LCOR: variants seen among roughly 807,000 people sequenced by gnomAD.
LCOR encodes the protein ligand-dependent corepressor.
A neutral mutation model predicts 64.4 loss-of-function variants in LCOR; 14 were observed. The ratio of observed to expected loss-of-function variants is 0.22; its 90% confidence interval spans 0.14 to 0.34. The LOEUF (loss-of-function observed/expected upper bound fraction) is 0.34. LCOR is among the 10% of genes least tolerant of loss of function. The pLI, the probability that LCOR is intolerant of heterozygous loss-of-function variation, is 1.00. For synonymous variants in LCOR, 643 were observed against 642.5 expected, an observed-to-expected ratio of 1.00 and a Z score of -0.01; for missense variants, 1,686 against 1,765.3, an observed-to-expected ratio of 0.96 and a Z score of 0.80.
intron 2 of LCOR, 93 bp downstream of exon 2, chr10:96,833,572 C>A: frequency 4.4e-6 from 2 of 459,010 alleles, no homozygotes; most frequent in Non-Finnish European, 5.7e-6. Context: ...AGCATTGTTA[C>A]TTCCCCGTCT....
At position 96,989,469 on chromosome 10, in the gene LCOR, C is replaced by G. The variant is rs1229185682; in HGVS notation, c.*4335C>G. The G allele has an allele frequency of 6.6e-6, 1 of 151,892 alleles. No homozygotes were observed. The highest frequency in any genetic ancestry group is 2.4e-5 in the African/African-American group (1 of 41,314). 9.4% of individuals were successfully genotyped at this position (151,892 alleles called of 1,614,324 possible). ...ACAAAGTCTGATCACAATCCCAAAGCTTTGTTTATTCTTATATAATATTTT... is the reference window on the plus strand; with the variant it reads ...ACAAAGTCTGATCACAATCCCAAAGGTTTGTTTATTCTTATATAATATTTT... On this transcript the variant is annotated 3_prime_UTR_variant, in exon 8 of 8. Transcript: ENST00000421806.
At chr10:96,832,575 G>A (rs1845357217) in intron 1 of LCOR, among the ~76,000 whole-genome samples, 176 bp downstream of exon 1, 1 of 145,364 alleles carries the variant, frequency 6.9e-6, no homozygotes, top group African/African-American at 2.5e-5. Context: ...CCTCCAGGCG[G>A]GCTCCCCTGC....
intron 7 of LCOR, chr10:96,958,225 C>T (rs573653320): frequency 6.1e-6 from 8 of 1,303,084 alleles, no homozygotes; most frequent in Non-Finnish European, 7.8e-6. Flanking sequence ...AGAAAGACAT[C>T]ACTAAAGGCC....
intron 3 of LCOR, 78 bp from the exon 4 acceptor site, chr10:96,907,590 A>T: frequency 1.7e-6 from 1 of 575,988 alleles, no homozygotes; most frequent in Non-Finnish European, 2.2e-6. Context: ...TTTGTTAAAC[A>T]ATATTTTTGA....
intron 4 of LCOR, among the ~76,000 whole-genome samples, chr10:96,935,693 G>A (rs560355007): frequency 4.0e-4 from 61 of 152,288 alleles, no homozygotes; most frequent in South Asian, 3.1e-3. Context: ...AATTAGCCTG[G>A]TGTGGTGGCA....
Position 96,981,078 on chromosome 10 carries a change from C to CGTA in LCOR, c.620_622dup (p.Val207dup), listed in dbSNP as rs1192063668. 2.8e-6 allele frequency: 2 copies of CGTA among 702,862 alleles called. No homozygotes were observed. Among genetic ancestry groups the CGTA allele is most frequent in the Non-Finnish European group, 5.2e-6 (2 of 385,040 alleles). The allele number at this position is 702,862 out of a possible 1,614,324, so 43.5% of individuals were successfully genotyped here. On this transcript the variant is annotated inframe_insertion, in exon 8 of 8. Coordinates refer to ENST00000421806, the MANE Select transcript of LCOR (RefSeq NM_001346516.2). ...AGTCTTCTGCTTCTGTAGATTTGTT[C>CGTA]GTAGACTCGTCAGACTCTCACAGCC...
intron 2 of LCOR, among the ~76,000 whole-genome samples, chr10:96,872,485 A>T (rs1846088436): frequency 6.6e-6 from 1 of 152,118 alleles, no homozygotes; most frequent in Non-Finnish European, 1.5e-5. Flanking sequence ...TTGAGATCAG[A>T]AGTTCGACAC....
intron 2 of LCOR, among the ~76,000 whole-genome samples, chr10:96,838,700 A>T (rs920642520): frequency 6.6e-6 from 1 of 152,222 alleles, no homozygotes; most frequent in Non-Finnish European, 1.5e-5. Context: ...TTGTGTGGAC[A>T]TACCACATTT....
In LCOR at chr10:96,985,445, A is replaced by G. The variant is rs1848141059; in HGVS notation, c.*311A>G. ...TTTTGTTTTTAAATTTACAAAAGCT[A>G]AAAAGCTGATCTATGTGATTAAAGG... On this transcript the variant is annotated 3_prime_UTR_variant, in exon 8 of 8. Coordinates refer to ENST00000421806, the MANE Select transcript of LCOR (RefSeq NM_001346516.2). The G allele has an allele frequency of 8.8e-6, 2 of 226,960 alleles. No individual in the cohort carries two copies. Among genetic ancestry groups the G allele is most frequent in the Non-Finnish European group, 1.9e-5 (2 of 107,838 alleles). The allele number at this position is 226,960 out of a possible 1,614,324, so 14.1% of individuals were successfully genotyped here.
chr10:96,841,653 G>A (rs1649717899), intron 2 of LCOR, among the ~76,000 whole-genome samples: 1 of 151,840 alleles, frequency 6.6e-6, no homozygotes, highest in African/African-American at 2.4e-5. Flanking sequence ...GAGCCACCGC[G>A]CCTGGCCAAG....
intron 2 of LCOR, among the ~76,000 whole-genome samples, chr10:96,881,296 A>G (rs939093942): frequency 2.0e-5 from 3 of 152,208 alleles, no homozygotes; most frequent in African/African-American, 7.2e-5. Flanking sequence ...GATTACACAA[A>G]GTAATGAATG....
intron 2 of LCOR, among the ~76,000 whole-genome samples, chr10:96,839,067 A>G (rs1307688428): frequency 6.6e-6 from 1 of 152,232 alleles, no homozygotes; most frequent in Admixed American, 6.5e-5. Flanking sequence ...AAATACAAAA[A>G]AATAAGACAA....
chr10:96,874,469 C>T (rs535377780), intron 2 of LCOR, among the ~76,000 whole-genome samples: 2 of 152,238 alleles, frequency 1.3e-5, no homozygotes, highest in African/African-American at 4.8e-5. Flanking sequence ...CTCCATGTCC[C>T]AGTAATCAGC....
intron 2 of LCOR, among the ~76,000 whole-genome samples, chr10:96,868,351 T>C (rs1156393825): frequency 4.0e-5 from 6 of 151,656 alleles, no homozygotes; most frequent in Middle Eastern, 3.4e-3. Context: ...CTCAGCTCAT[T>C]GCAACCTCCG....
At chr10:96,898,408 A>G (rs1846578884) in intron 2 of LCOR, among the ~76,000 whole-genome samples, 1 of 152,222 alleles carries the variant, frequency 6.6e-6, no homozygotes, top group African/African-American at 2.4e-5. Context: ...ATTTGGGATC[A>G]GATCCTATAA....
At position 96,986,323 on chromosome 10, in the gene LCOR, A is replaced by G. The variant is rs1215350606; in HGVS notation, c.*1189A>G. The G allele has an allele frequency of 1.3e-5, 2 of 156,680 alleles. No homozygotes were observed. The highest frequency in any genetic ancestry group is 4.8e-5 in the African/African-American group (2 of 41,442). The allele number at this position is 156,680 out of a possible 1,614,324, so 9.7% of individuals were successfully genotyped here. ...TTTGGTACCAGACTCAGAAAGATCT[A>G]AAACAGCATGGAGTTATGTAAAGGT... is the stretch of plus-strand genomic sequence containing the variant. On this transcript the variant is annotated 3_prime_UTR_variant, in exon 8 of 8. Coordinates refer to ENST00000421806, the MANE Select transcript of LCOR (RefSeq NM_001346516.2).
At position 96,846,659 on chromosome 10, in the gene LCOR, T is replaced by C. The variant is rs144907561; in HGVS notation, c.-330+13180T>C. 2.9e-3 allele frequency among the ~76,000 whole-genome samples: 438 copies of C among 152,328 alleles called. 6 individuals carry two copies. The highest frequency in any genetic ancestry group is 9.5e-3 in the African/African-American group (393 of 41,566). ...CTTGTATAACCAGTTTTTATTTGCG[T>C]ATATATTTACTGTGTATAGCTTTTC... is the stretch of plus-strand genomic sequence containing the variant. On this transcript the variant is annotated intron_variant, in intron 2 of 7. Coordinates refer to ENST00000421806, the MANE Select transcript of LCOR (RefSeq NM_001346516.2).
chr10:96,897,009 A>T (rs1409327659), intron 2 of LCOR, among the ~76,000 whole-genome samples: 2 of 151,258 alleles, frequency 1.3e-5, no homozygotes, highest in African/African-American at 2.4e-5. Flanking sequence ...CATTCAGCTT[A>T]TAATTTTGTT....
intron 2 of LCOR, among the ~76,000 whole-genome samples, chr10:96,847,361 AAAG>A (rs1845647022): frequency 6.6e-6 from 1 of 151,912 alleles, no homozygotes. Context: ...AAAAAAAAAA[AAAG>A]CACACGGTAA....
Sources: allele counts gnomAD v4.1 joint callset (sites outside exome capture counted in the v4.1 genomes callset), GRCh38; gene constraint gnomAD v4.1.1; transcripts MANE v1.5; gene names NCBI Gene and HGNC (gene_info 2026-07-23, HGNC 2026-07-21).